GALNTL6: variants seen among roughly 807,000 people sequenced by gnomAD.
GALNTL6 encodes polypeptide N-acetylgalactosaminyltransferase-like 6.
In GALNTL6, 46 loss-of-function variants were observed where a neutral mutation model predicts 73.7. The observed-to-expected ratio is 0.62, with a 90% CI of 0.49 to 0.80. GALNTL6 has a LOEUF of 0.80. Among genes scored for constraint, GALNTL6 ranks in the 30% least tolerant of loss-of-function variants. The pLI is 0.00. For synonymous variants in GALNTL6, 259 were observed against 263.7 expected (o/e 0.98, Z 0.17); for missense variants, 604 against 755.0 (o/e 0.80, Z 2.34).
intron 8 of GALNTL6, among the ~76,000 whole-genome samples, chr4:172,898,463 A>G (rs1013494706): frequency 1.3e-5 from 2 of 151,254 alleles, no homozygotes; most frequent in Non-Finnish European, 2.9e-5. Context: ...AAAAAAAAAA[A>G]GATCTCATAA....
At chr4:172,042,685 GT>G in intron 2 of GALNTL6, among the ~76,000 whole-genome samples, 1 of 151,402 alleles carries the variant, frequency 6.6e-6, no homozygotes, top group East Asian at 1.9e-4. Flanking sequence ...ACTCAAAAAT[GT>G]TTTCACTTCT....
At chr4:172,360,245 G>T (rs896468031) in intron 5 of GALNTL6, among the ~76,000 whole-genome samples, 6 of 152,158 alleles carry the variant, frequency 3.9e-5, no homozygotes, top group Admixed American at 2.0e-4. Context: ...TTCCAATGGA[G>T]ATACTGAAAG....
At chr4:172,949,733 C>A (rs1389217873) in intron 9 of GALNTL6, among the ~76,000 whole-genome samples, 1 of 151,796 alleles carries the variant, frequency 6.6e-6, no homozygotes. Flanking sequence ...CACAGTGAAA[C>A]CCCATCTCTA....
chr4:172,256,479 A>G (rs537591779), intron 3 of GALNTL6, among the ~76,000 whole-genome samples: 3 of 151,600 alleles, frequency 2.0e-5, no homozygotes, highest in East Asian at 3.9e-4. Context: ...GCAAATGTGT[A>G]TAAAATCCAA....
chr4:171,959,055 C>T (rs1243877202), intron 2 of GALNTL6, among the ~76,000 whole-genome samples: 1 of 152,084 alleles, frequency 6.6e-6, no homozygotes, highest in Non-Finnish European at 1.5e-5. Context: ...AATAATTAGG[C>T]TGAACCTAGA....
intron 2 of GALNTL6, among the ~76,000 whole-genome samples, chr4:172,224,985 A>G (rs980308609): frequency 2.0e-5 from 3 of 152,074 alleles, no homozygotes; most frequent in Admixed American, 6.6e-5. Context: ...AATTATTTGT[A>G]GTGATATCAC....
chr4:172,294,836 A>G (rs1056924109), intron 3 of GALNTL6, among the ~76,000 whole-genome samples: 1 of 152,156 alleles, frequency 6.6e-6, no homozygotes, highest in African/African-American at 2.4e-5. Flanking sequence ...GTAACTACAA[A>G]ATTAGGAAAT....
At chr4:172,045,398 T>C (rs1031236031) in intron 2 of GALNTL6, among the ~76,000 whole-genome samples, 1 of 152,026 alleles carries the variant, frequency 6.6e-6, no homozygotes, top group Non-Finnish European at 1.5e-5. Flanking sequence ...AAAATCAATA[T>C]AAAATTTCCC....
intron 5 of GALNTL6, among the ~76,000 whole-genome samples, chr4:172,666,433 A>C (rs1209951515): frequency 6.6e-6 from 1 of 152,194 alleles, no homozygotes; most frequent in Non-Finnish European, 1.5e-5. Flanking sequence ...TCTCATGCAC[A>C]AATGACTGAG....
chr4:172,579,387 A>G (rs555894175), intron 5 of GALNTL6, among the ~76,000 whole-genome samples: 113 of 152,292 alleles, frequency 7.4e-4, no homozygotes, highest in Middle Eastern at 6.8e-3. Context: ...ATACTGGAAA[A>G]CTATATATAA....
intron 2 of GALNTL6, among the ~76,000 whole-genome samples, chr4:171,907,369 A>G (rs1057191335): frequency 6.6e-6 from 1 of 152,158 alleles, no homozygotes; most frequent in Non-Finnish European, 1.5e-5. Flanking sequence ...CAGAGAGCCA[A>G]ATCATGAGTG....
chr4:172,969,636 T>C (rs1179191199), intron 10 of GALNTL6, among the ~76,000 whole-genome samples: 4 of 152,174 alleles, frequency 2.6e-5, no homozygotes, highest in Non-Finnish European at 4.4e-5. Flanking sequence ...GAAGCAGTAG[T>C]TGTAAAGATG....
At chr4:172,339,257 C>G (rs1257659686) in intron 4 of GALNTL6, among the ~76,000 whole-genome samples, 1 of 120,952 alleles carries the variant, frequency 8.3e-6, no homozygotes, top group Non-Finnish European at 1.7e-5. Context: ...CACACACACA[C>G]CACACACACA....
At chr4:172,949,264 T>A (rs1023335381) in intron 9 of GALNTL6, among the ~76,000 whole-genome samples, 1 of 152,188 alleles carries the variant, frequency 6.6e-6, no homozygotes, top group African/African-American at 2.4e-5. Flanking sequence ...CAAAAATAGA[T>A]CTATCCCTAA....
intron 5 of GALNTL6, among the ~76,000 whole-genome samples, chr4:172,711,253 G>T (rs1289316962): frequency 6.6e-6 from 1 of 152,142 alleles, no homozygotes; most frequent in Non-Finnish European, 1.5e-5. Flanking sequence ...AGCATTCCAG[G>T]CAGATGGAAC....
chr4:172,398,904 T>C (rs1416803127), intron 5 of GALNTL6, among the ~76,000 whole-genome samples: 1 of 152,056 alleles, frequency 6.6e-6, no homozygotes, highest in Non-Finnish European at 1.5e-5. Flanking sequence ...ACATAGACTC[T>C]GGACACTGAA....
intron 10 of GALNTL6, among the ~76,000 whole-genome samples, chr4:172,974,274 G>A (rs1311985883): frequency 2.0e-5 from 3 of 152,072 alleles, no homozygotes; most frequent in Non-Finnish European, 4.4e-5. Context: ...GAGACAAGAT[G>A]CTGTATAATA....
chr4:172,759,264 A>G (rs1737928568), intron 5 of GALNTL6, among the ~76,000 whole-genome samples: 1 of 152,214 alleles, frequency 6.6e-6, no homozygotes, highest in African/African-American at 2.4e-5. Flanking sequence ...AATGTTCACT[A>G]TTAGCCAATT....
At chr4:172,684,095 C>T (rs1350011446) in intron 5 of GALNTL6, among the ~76,000 whole-genome samples, 2 of 152,294 alleles carry the variant, frequency 1.3e-5, no homozygotes, top group Non-Finnish European at 2.9e-5. Flanking sequence ...GCAGACACAT[C>T]TATATCTCTC....
Sources: allele counts gnomAD v4.1 joint callset (sites outside exome capture counted in the v4.1 genomes callset), GRCh38; gene constraint gnomAD v4.1.1; transcripts MANE v1.5; gene names NCBI Gene and HGNC (gene_info 2026-07-23, HGNC 2026-07-21).